KCNIP4: variants seen among roughly 807,000 people sequenced by gnomAD.
The protein encoded by KCNIP4 is Kv channel-interacting protein 4.
A neutral mutation model predicts 34.0 loss-of-function variants in KCNIP4; 12 were observed. The observed-to-expected ratio is 0.35, with a 90% CI of 0.23 to 0.57. KCNIP4 has a LOEUF of 0.57. Ranked by LOEUF, KCNIP4 falls within the 20% of genes least tolerant of loss-of-function variation. The probability of loss-of-function intolerance (pLI) is 0.83; values close to 1 mark genes in which losing one functional copy is unlikely to be tolerated. For missense variants in KCNIP4, 238 were observed against 311.7 expected (o/e 0.76, Z 1.78); for synonymous variants, 124 against 102.2 (o/e 1.21, Z -1.29).
intron 1 of KCNIP4, among the ~76,000 whole-genome samples, chr4:21,232,899 G>C (rs1306468852): frequency 6.6e-6 from 1 of 152,112 alleles, no homozygotes; most frequent in East Asian, 1.9e-4. Context: ...AGAGAATGAG[G>C]GGATTACCGA....
At chr4:21,343,066 A>G (rs1012831609) in intron 1 of KCNIP4, among the ~76,000 whole-genome samples, 1 of 152,110 alleles carries the variant, frequency 6.6e-6, no homozygotes, top group Non-Finnish European at 1.5e-5. Context: ...AACCAGCAAC[A>G]TAAGAATAGA....
intron 1 of KCNIP4, among the ~76,000 whole-genome samples, chr4:21,266,497 A>G (rs1337376248): frequency 6.6e-6 from 1 of 152,194 alleles, no homozygotes; most frequent in East Asian, 1.9e-4. Flanking sequence ...AGTGATGACA[A>G]CTTGGATTCC....
rs568402251 is a variant in KCNIP4, at chr4:21,155,174, T to A, written c.62-272465A>T. The stretch of plus-strand genomic sequence containing the variant: ...GTGCCTCATGACAGCAGAGCTGGCA[T>A]GCCAGCCCTATTTTGCGTACCTCCA... On this transcript the variant is annotated intron_variant, in intron 1 of 8. Coordinates refer to ENST00000382152, the MANE Select transcript of KCNIP4 (RefSeq NM_025221.6). Among the ~76,000 whole-genome samples, 120 of 152,310 alleles carry A rather than the reference T, an allele frequency of 7.9e-4. 3 individuals carry two copies. The South Asian group carries it at 0.024, about 30-fold the overall frequency.
rs1421998341 is a variant in KCNIP4 at position 20,791,902 on chromosome 4, T to C, written c.289-33012A>G. ...TCCTGAGAGAGAAGAAATTCTGCCA[T>C]AAACTGTCTTTGGATGTGAACCACA... is the stretch of plus-strand genomic sequence containing the variant. On this transcript the variant is annotated intron_variant, in intron 3 of 8. Coordinates refer to ENST00000382152, the MANE Select transcript of KCNIP4 (RefSeq NM_025221.6). 3.3e-5 allele frequency among the ~76,000 whole-genome samples: 5 copies of C among 152,302 alleles called. 1 individual carries two copies. The highest frequency in any genetic ancestry group is 4.1e-4 in the South Asian group (2 of 4,828).
chr4:21,196,572 T>C (rs1257507159), intron 1 of KCNIP4, among the ~76,000 whole-genome samples: 7 of 152,214 alleles, frequency 4.6e-5, no homozygotes, highest in Non-Finnish European at 8.8e-5. Context: ...GTGCAACCTG[T>C]ATAACACACA....
rs1236943226 is a variant in KCNIP4 at position 20,803,719 on chromosome 4, G to GGA, written c.289-44830_289-44829insTC. ...AGAGAGAGAAAGAGAGAGAGAGAGA[G>GGA]AGAGAGAGAGGAAGGAAGGAAGGAA... On this transcript the variant is annotated intron_variant, in intron 3 of 8. Transcript: ENST00000382152. 6.1e-4 allele frequency among the ~76,000 whole-genome samples: 70 copies of GGA among 114,954 alleles called. No homozygotes were observed. The South Asian group carries it at 0.023, about 38-fold the overall frequency. 75.4% of individuals were successfully genotyped at this position (114,954 alleles called of 152,430 possible).
At chr4:21,684,706 A>G (rs886822759) in intron 1 of KCNIP4, among the ~76,000 whole-genome samples, 1 of 152,202 alleles carries the variant, frequency 6.6e-6, no homozygotes, top group Non-Finnish European at 1.5e-5. Flanking sequence ...TCTAGGGTAC[A>G]TGTGCACAAC....
chr4:21,109,920 G>A (rs888247854), intron 1 of KCNIP4, among the ~76,000 whole-genome samples: 1 of 151,558 alleles, frequency 6.6e-6, no homozygotes, highest in Non-Finnish European at 1.5e-5. Flanking sequence ...AAGAAAAAAT[G>A]TATATATAAG....
chr4:21,781,458 G>A (rs985206917), intron 1 of KCNIP4, among the ~76,000 whole-genome samples: 1 of 152,096 alleles, frequency 6.6e-6, no homozygotes, highest in Admixed American at 6.5e-5. Context: ...TTGAGGTACT[G>A]GGGATTAGGT....
intron 5 of KCNIP4, among the ~76,000 whole-genome samples, chr4:20,743,886 A>G (rs1234270018): frequency 2.0e-5 from 3 of 152,118 alleles, no homozygotes; most frequent in Non-Finnish European, 4.4e-5. Context: ...CAAAGGGCTA[A>G]TATCCAGAAT....
intron 1 of KCNIP4, among the ~76,000 whole-genome samples, chr4:21,625,649 T>G (rs548350597): frequency 2.6e-5 from 4 of 152,320 alleles, no homozygotes; most frequent in Middle Eastern, 3.4e-3. Flanking sequence ...AAAAGCCAGG[T>G]CTGCCCTTCT....
At chr4:21,555,681 TAAAAA>T in intron 1 of KCNIP4, among the ~76,000 whole-genome samples, 1 of 152,322 alleles carries the variant, frequency 6.6e-6, no homozygotes, top group Middle Eastern at 3.4e-3. Flanking sequence ...CTGGTGGAGA[TAAAAA>T]CCAGTTCAGG....
At chr4:21,785,831 A>G (rs1448190668) in intron 1 of KCNIP4, among the ~76,000 whole-genome samples, 1 of 152,138 alleles carries the variant, frequency 6.6e-6, no homozygotes, top group Non-Finnish European at 1.5e-5. Context: ...GATATGTCAC[A>G]TTTTATTTAT....
intron 1 of KCNIP4, among the ~76,000 whole-genome samples, chr4:21,604,276 T>C (rs1292299613): frequency 6.6e-6 from 1 of 152,168 alleles, no homozygotes; most frequent in African/African-American, 2.4e-5. Context: ...AACAGATGAA[T>C]GCCTACTTTT....
At chr4:21,828,773 A>T (rs560067719) in intron 1 of KCNIP4, among the ~76,000 whole-genome samples, 1 of 152,154 alleles carries the variant, frequency 6.6e-6, no homozygotes, top group African/African-American at 2.4e-5. Context: ...TTATTGTTGA[A>T]AACCAAAAAG....
chr4:21,491,976 A>T (rs1471647066), intron 1 of KCNIP4, among the ~76,000 whole-genome samples: 1 of 152,198 alleles, frequency 6.6e-6, no homozygotes. Context: ...ATGTTTTCCA[A>T]TTCCCTGGCA....
chr4:21,294,611 A>G (rs1262502831), intron 1 of KCNIP4, among the ~76,000 whole-genome samples: 1 of 152,174 alleles, frequency 6.6e-6, no homozygotes, highest in African/African-American at 2.4e-5. Flanking sequence ...AAATATGTAA[A>G]ATGGTGAGGT....
intron 1 of KCNIP4, among the ~76,000 whole-genome samples, chr4:21,904,870 C>G (rs970473389): frequency 6.6e-6 from 1 of 152,092 alleles, no homozygotes; most frequent in Non-Finnish European, 1.5e-5. Context: ...CCAATTTATT[C>G]TGGGGAACAA....
chr4:20,900,485 T>C (rs1473249257), intron 1 of KCNIP4, among the ~76,000 whole-genome samples: 1 of 152,210 alleles, frequency 6.6e-6, no homozygotes, highest in Non-Finnish European at 1.5e-5. Flanking sequence ...TGCATCATTG[T>C]TGGTTGAATT....
Sources: gnomAD v4.1 joint callset for allele counts (sites outside exome capture counted in the v4.1 genomes callset) on GRCh38, gnomAD v4.1.1 for gene constraint, MANE v1.5 for transcripts, NCBI Gene and HGNC (gene_info 2026-07-23, HGNC 2026-07-21) for gene names.